GNAQ: variants seen among roughly 807,000 people sequenced by gnomAD.
GNAQ encodes G protein subunit alpha q, also known as guanine nucleotide-binding protein G(q) subunit alpha.
A neutral mutation model predicts 43.9 loss-of-function variants in GNAQ; 8 were observed. The ratio of observed to expected loss-of-function variants is 0.18; its 90% CI spans 0.11 to 0.33. GNAQ has a LOEUF of 0.33. GNAQ is among the 10% of genes least tolerant of loss of function. The pLI, the probability that GNAQ is intolerant of heterozygous loss-of-function variation, is 1.00. For missense variants in GNAQ, 158 were observed against 450.8 expected, an observed-to-expected ratio of 0.35 and a Z score of 5.88; for synonymous variants, 155 against 170.7, an observed-to-expected ratio of 0.91 and a Z score of 0.71.
intron 2 of GNAQ, among the ~76,000 whole-genome samples, chr9:77,860,702 G>C (rs10781466): frequency 0.69 from 105,006 of 151,862 alleles, 36,916 homozygotes; most frequent in Middle Eastern, 0.77. Context: ...GGTCCATGGC[G>C]CGGGATGTTC....
In GNAQ at chr9:77,931,456, T is replaced by C. The variant is rs548842004; in HGVS notation, c.137-9111A>G. ...AAATACAAAAATTAGCCAGGCATGG[T>C]GGCAAGCACCTGTGGTCCCAGCTAC... is the stretch of plus-strand genomic sequence containing the variant. On this transcript the variant is annotated intron_variant, in intron 1 of 6. Coordinates refer to ENST00000286548, the MANE Select transcript of GNAQ (RefSeq NM_002072.5). Among the ~76,000 whole-genome samples, 3 of 152,068 alleles carry C rather than the reference T, an allele frequency of 2.0e-5. No individual in the cohort carries two copies. In the South Asian group the frequency reaches 6.2e-4, roughly 32 times the overall value.
chr9:77,769,807 C>T (rs1019575968), intron 5 of GNAQ, among the ~76,000 whole-genome samples: 4 of 151,654 alleles, frequency 2.6e-5, no homozygotes, highest in Admixed American at 6.6e-5. Context: ...TGCGACTACA[C>T]GCGCCCGCCA....
intron 1 of GNAQ, among the ~76,000 whole-genome samples, chr9:78,026,827 T>C (rs1323459593): frequency 6.6e-6 from 1 of 152,232 alleles, no homozygotes; most frequent in African/African-American, 2.4e-5. Context: ...ATGCATATCC[T>C]TCATATTAAA....
At chr9:77,870,666 C>T (rs1042100423) in intron 2 of GNAQ, among the ~76,000 whole-genome samples, 1 of 152,012 alleles carries the variant, frequency 6.6e-6, no homozygotes, top group South Asian at 2.1e-4. Flanking sequence ...AGGTCTCACT[C>T]CAGTCACATT....
rs138399943 is a variant in GNAQ, at chr9:77,935,103, C to T, written c.137-12758G>A. 1.7e-3 allele frequency among the ~76,000 whole-genome samples: 261 copies of T among 152,148 alleles called. 1 individual carries two copies. Among genetic ancestry groups the T allele is most frequent in the African/African-American group, 6.1e-3 (252 of 41,502 alleles). On this transcript the variant is annotated intron_variant, in intron 1 of 6. Coordinates refer to ENST00000286548, the MANE Select transcript of GNAQ (RefSeq NM_002072.5). ...TTGCACCACTGCCCTCCAACCTGGACGACAGAGTGAGATGCTGTCTCAAAA... is the reference window on the plus strand; with the variant it reads ...TTGCACCACTGCCCTCCAACCTGGATGACAGAGTGAGATGCTGTCTCAAAA...
At chr9:77,920,029 C>A (rs959560458) in intron 2 of GNAQ, among the ~76,000 whole-genome samples, 13 of 152,032 alleles carry the variant, frequency 8.6e-5, no homozygotes, top group Non-Finnish European at 1.5e-4. Context: ...GTCCCAGCTA[C>A]TTGGGATGCT....
chr9:77,813,686 G>C (rs1826964703), intron 3 of GNAQ, among the ~76,000 whole-genome samples: 1 of 152,142 alleles, frequency 6.6e-6, no homozygotes, highest in Non-Finnish European at 1.5e-5. Context: ...CCCTAAGGGG[G>C]AGACGTAACC....
At chr9:77,861,778 G>A (rs2117976422) in intron 2 of GNAQ, among the ~76,000 whole-genome samples, 1 of 152,184 alleles carries the variant, frequency 6.6e-6, no homozygotes, top group East Asian at 1.9e-4. Context: ...TGAGGCAGGG[G>A]GTCACGAGGT....
chr9:77,818,446 T>TAA (rs758876754), intron 2 of GNAQ, among the ~76,000 whole-genome samples: 7 of 131,348 alleles, frequency 5.3e-5, no homozygotes, highest in Admixed American at 2.3e-4. Flanking sequence ...CAATTTTTTG[T>TAA]AAAAAAAAAA....
rs558904503 is a variant in GNAQ, at chr9:77,949,491, G to T, written c.137-27146C>A. ...CAGCAAATATGAACTTGGTTAGCAT[G>T]GACCCCAACATGAGTGAGCAGTAGT... On this transcript the variant is annotated intron_variant, in intron 1 of 6. Transcript: ENST00000286548. Among the ~76,000 whole-genome samples, 74 of 152,324 alleles carry T rather than the reference G, an allele frequency of 4.9e-4. 2 individuals carry two copies. Among genetic ancestry groups the T allele is most frequent in the African/African-American group, 1.8e-3 (74 of 41,578 alleles).
At chr9:77,872,353 T>A (rs1285929554) in intron 2 of GNAQ, among the ~76,000 whole-genome samples, 1 of 152,208 alleles carries the variant, frequency 6.6e-6, no homozygotes, top group African/African-American at 2.4e-5. Flanking sequence ...AAAAAAATAA[T>A]CATTTCTTTT....
chr9:77,729,181 C>T (rs1825446726), intron 5 of GNAQ, among the ~76,000 whole-genome samples: 1 of 152,220 alleles, frequency 6.6e-6, no homozygotes, highest in African/African-American at 2.4e-5. Flanking sequence ...TTACTCTACA[C>T]ACACACATAC....
At chr9:77,723,905 G>A (rs908599942) in intron 6 of GNAQ, among the ~76,000 whole-genome samples, 20 of 152,078 alleles carry the variant, frequency 1.3e-4, no homozygotes, top group South Asian at 4.1e-4. Flanking sequence ...ACTTAAAAAT[G>A]TTAAAATGGC....
chr9:77,986,930 T>C (rs1823446213), intron 1 of GNAQ, among the ~76,000 whole-genome samples: 1 of 152,066 alleles, frequency 6.6e-6, no homozygotes. Flanking sequence ...ATAAAGATTT[T>C]ATTCTTTTAT....
chr9:77,978,872 A>G (rs10869999), intron 1 of GNAQ, among the ~76,000 whole-genome samples: 20,111 of 152,114 alleles, frequency 0.13, 1,600 homozygotes, highest in East Asian at 0.33. Context: ...CCTGGACAAC[A>G]TGGTAAAACC....
At chr9:77,972,739 C>T (rs985568853) in intron 1 of GNAQ, among the ~76,000 whole-genome samples, 3 of 151,854 alleles carry the variant, frequency 2.0e-5, no homozygotes, top group East Asian at 3.9e-4. Flanking sequence ...GGATCGATCA[C>T]CTGAGGAGTT....
intron 1 of GNAQ, among the ~76,000 whole-genome samples, chr9:77,935,908 G>A (rs1317673829): frequency 6.6e-6 from 1 of 152,076 alleles, no homozygotes; most frequent in Non-Finnish European, 1.5e-5. Context: ...AATAAATGCG[G>A]GTTTCCTTAC....
intron 1 of GNAQ, among the ~76,000 whole-genome samples, chr9:77,957,716 G>T (rs552594400): frequency 3.9e-5 from 6 of 152,260 alleles, no homozygotes; most frequent in Non-Finnish European, 5.9e-5. Flanking sequence ...ATCACAGGAT[G>T]AAGGCCACTA....
chr9:78,006,427 C>CTTA (rs1767642976), intron 1 of GNAQ, among the ~76,000 whole-genome samples: 1 of 152,146 alleles, frequency 6.6e-6, no homozygotes, highest in South Asian at 2.1e-4. Flanking sequence ...ACCAAAAAAT[C>CTTA]TTAGAGAAAA....
Sources: gnomAD v4.1 joint callset for allele counts (sites outside exome capture counted in the v4.1 genomes callset) on GRCh38, gnomAD v4.1.1 for gene constraint, MANE v1.5 for transcripts, NCBI Gene and HGNC (gene_info 2026-07-23, HGNC 2026-07-21) for gene names.